The following GPRC5D variants were observed in gnomAD, a reference collection of about 807,000 sequenced individuals.
GPRC5D encodes the protein G protein-coupled receptor family C group 5 member D.
A neutral mutation model predicts 29.3 loss-of-function variants in GPRC5D; 20 were observed. The observed-to-expected ratio is 0.68, with a 90% CI of 0.48 to 0.99. GPRC5D has a LOEUF of 0.99. GPRC5D is among the 50% of genes least tolerant of loss of function. GPRC5D has a pLI of 0.00. For synonymous variants in GPRC5D, 178 were observed against 171.3 expected (o/e 1.04, Z -0.30); for missense variants, 384 against 423.6 (o/e 0.91, Z 0.82).
downstream of GPRC5D, chr12:12,940,711 G>A (rs1863120012): frequency 3.2e-6 from 3 of 924,162 alleles, no homozygotes; most frequent in Non-Finnish European, 3.6e-6. Context: ...GCCCCCGTGG[G>A]CTATCAGGGC....
At chr12:12,949,797 A>ACAC in exon 1 of GPRC5D, 8 of 1,613,974 alleles carry the variant, frequency 5.0e-6, no homozygotes, top group Non-Finnish European at 6.8e-6. Context: ...TCCAGTTCTC[A>ACAC]CACGGGCCAC....
intron 1 of GPRC5D, among the ~76,000 whole-genome samples, chr12:12,945,261 T>C (rs1252606274): frequency 6.6e-6 from 1 of 152,080 alleles, no homozygotes; most frequent in East Asian, 1.9e-4. Context: ...CTCCTCGGCC[T>C]CCCAAAGTGC....
intron 1 of GPRC5D, among the ~76,000 whole-genome samples, chr12:12,943,177 T>C (rs987728447): frequency 2.6e-5 from 4 of 152,186 alleles, no homozygotes; most frequent in African/African-American, 7.2e-5. Flanking sequence ...ATCACAGACA[T>C]AGGTATTTGT....
upstream of GPRC5D, chr12:12,950,441 G>C (rs1863466051): frequency 8.3e-7 from 1 of 1,204,842 alleles, no homozygotes; most frequent in East Asian, 2.3e-5. Context: ...TGCAGAAAAA[G>C]GATGAGACAA....
At chr12:12,949,590 G>C (rs774529747) in exon 1 of GPRC5D, 1 of 1,614,142 alleles carries the variant, frequency 6.2e-7, no homozygotes, top group East Asian at 2.2e-5. Flanking sequence ...ACGATCTGTA[G>C]AGAATGCAGA....
Position 12,940,851 on chromosome 12 carries a change from T to C in GPRC5D, c.964-2A>G, listed in dbSNP as rs147525649. 3.5e-4 allele frequency: 561 copies of C among 1,582,730 alleles called. 2 individuals carry two copies. In the African/African-American group the frequency reaches 6.6e-3, roughly 19 times the overall value. On this transcript the variant is annotated splice_acceptor_variant, in intron 2 of 2. Transcript: ENST00000228887. LOFTEE classifies it high-confidence loss of function. ...ACACTCTTGTGTGGGATCAACAGTC[T>C]GGAAAGGAAGAAATGCCATCATCAA...
exon 1 of GPRC5D, chr12:12,949,592 G>T: frequency 7.4e-6 from 12 of 1,613,882 alleles, no homozygotes; most frequent in Non-Finnish European, 9.3e-6. Flanking sequence ...GATCTGTAGA[G>T]AATGCAGAGC....
At chr12:12,950,459 A>G (rs1863466477), upstream of GPRC5D, 1 of 979,932 alleles carries the variant, frequency 1.0e-6, no homozygotes, top group Non-Finnish European at 1.5e-6. Flanking sequence ...CAAATTGACA[A>G]CTCTGCATCT....
downstream of GPRC5D, chr12:12,940,723 A>G (rs73288552): frequency 8.6e-4 from 938 of 1,089,384 alleles, 9 homozygotes; most frequent in African/African-American, 0.013. Context: ...TATCAGGGCT[A>G]TGCTACCCAG....
rs201784839 is a variant in GPRC5D, at chr12:12,942,325, C to T, written c.899G>A (p.Arg300Gln). ...ATCCTCCTCAGCTCCATCACTGTCT[C>T]GGGCTGAAAGCCAAAGGAGGGAAGG... Residue 300 changes from arginine (R) to glutamine (Q), a missense_variant, in exon 2 of 3, where the codon CGA (arginine) becomes CAA (glutamine). Coordinates refer to ENST00000228887, the Ensembl canonical transcript of GPRC5D. 2.5e-5 allele frequency: 40 copies of T among 1,611,142 alleles called. No homozygotes were observed. Among genetic ancestry groups the T allele is most frequent in the South Asian group, 1.8e-4 (16 of 91,016 alleles).
At chr12:12,949,983 A>G in exon 1 of GPRC5D, 2 of 1,614,144 alleles carry the variant, frequency 1.2e-6, no homozygotes, top group East Asian at 2.2e-5. Flanking sequence ...GACTGCAACC[A>G]ATAGCAATGC....
intron 2 of GPRC5D, among the ~76,000 whole-genome samples, chr12:12,941,149 G>C (rs1292860448): frequency 6.6e-6 from 1 of 152,132 alleles, no homozygotes; most frequent in African/African-American, 2.4e-5. Flanking sequence ...GACCTCAAGT[G>C]ATCCGCCCAC....
intron 1 of GPRC5D, among the ~76,000 whole-genome samples, chr12:12,946,566 T>TG (rs1342594056): frequency 2.0e-5 from 3 of 151,674 alleles, no homozygotes; most frequent in Non-Finnish European, 1.5e-5. Context: ...GTGATTCTCA[T>TG]GCCTCAGCCT....
exon 1 of GPRC5D, chr12:12,950,061 T>G: frequency 1.9e-6 from 3 of 1,613,898 alleles, no homozygotes; most frequent in Non-Finnish European, 2.5e-6. Flanking sequence ...AGGCATGAGC[T>G]AAGAGGCATG....
chr12:12,945,866 A>G (rs1167621323), intron 1 of GPRC5D, among the ~76,000 whole-genome samples: 2 of 152,198 alleles, frequency 1.3e-5, no homozygotes, highest in East Asian at 3.9e-4. Flanking sequence ...ATTGAGGCCA[A>G]CTGATTTTTA....
At chr12:12,951,295 G>A (rs1344527454), upstream of GPRC5D, among the ~76,000 whole-genome samples, 1 of 152,156 alleles carries the variant, frequency 6.6e-6, no homozygotes, top group African/African-American at 2.4e-5. Flanking sequence ...TACCAAAATT[G>A]TTCCTAGGAC....
At chr12:12,944,831 TTCCTTCCTTCCTTCC>T (rs1565477205) in intron 1 of GPRC5D, among the ~76,000 whole-genome samples, 13 of 11,138 alleles carry the variant, frequency 1.2e-3, no homozygotes, top group South Asian at 8.1e-3. Context: ...CCTTCCTTCC[TTCCTTCCTTCCTTCC>T]TTCCTTCTTT....
In GPRC5D at chr12:12,942,151, GTC is replaced by G; in HGVS notation, c.963+108_963+109del. The G allele has an allele frequency of 3.9e-6, 3 of 775,902 alleles. No individual in the cohort carries two copies. In the South Asian group the frequency reaches 4.8e-5, roughly 12 times the overall value. 48.1% of individuals were successfully genotyped at this position (775,902 alleles called of 1,614,324 possible). On this transcript the variant is annotated intron_variant, in intron 2 of 2. Coordinates refer to ENST00000228887, the Ensembl canonical transcript of GPRC5D. The stretch of plus-strand genomic sequence containing the variant: ...ATGCCTTTAGGGATGCTCCTGCTCT[GTC>G]TCTCCTCTCTCAGGTCAGTAAAGCC...
chr12:12,950,526 G>T (rs1440997754), upstream of GPRC5D: 2 of 639,912 alleles, frequency 3.1e-6, no homozygotes, highest in Non-Finnish European at 5.4e-6. Context: ...TGGCAAGAAG[G>T]CTGGGTGCGG....
Sources: gnomAD v4.1 joint callset for allele counts (sites outside exome capture counted in the v4.1 genomes callset) on GRCh38, gnomAD v4.1.1 for gene constraint, MANE v1.5 for transcripts, NCBI Gene and HGNC (gene_info 2026-07-23, HGNC 2026-07-21) for gene names.